Variants in PLXNB2 observed in about 807,000 individuals in gnomAD.
The protein encoded by PLXNB2 is plexin-B2.
Under a neutral mutation model 202.6 loss-of-function variants are expected in PLXNB2, and 85 were observed. The ratio of observed to expected loss-of-function variants is 0.42; its 90% CI spans 0.35 to 0.50. The LOEUF (loss-of-function observed/expected upper bound fraction) is 0.50. PLXNB2 is among the 20% of genes least tolerant of loss of function. The pLI is 0.02. For missense variants in PLXNB2, 2,063 were observed against 2,586.2 expected (o/e 0.80, Z 4.39); for synonymous variants, 1,239 against 1,137.6 (o/e 1.09, Z -1.79).
In PLXNB2 at chr22:50,282,047, G is replaced by A; in HGVS notation, c.3152C>T (p.Thr1051Ile). The change falls in exon 20 of 37, where the codon ACC becomes ATC. Residue 1051 changes from threonine (T) to isoleucine (I), a missense_variant. By Grantham distance (89) the Thr-to-Ile change is moderately conservative (BLOSUM62 -1). Coordinates refer to ENST00000359337, the MANE Select transcript of PLXNB2 (RefSeq NM_012401.4). ...AGCCGGGGACAGGAAGACGACCTTG[G>A]TGTCATTGTGGAACACGTAGTCTGT... The part of the protein sequence containing the change: ...VGTDYVFHND[T>I]KVVFLSPAVP... 2.5e-6 allele frequency: 4 copies of A among 1,612,558 alleles called. No individual in the cohort carries two copies. The highest frequency in any genetic ancestry group is 3.4e-6 in the Non-Finnish European group (4 of 1,179,938).
At chr22:50,287,885 C>T (rs2066582594) in intron 6 of PLXNB2, 52 bp downstream of exon 6, 2 of 1,586,124 alleles carry the variant, frequency 1.3e-6, no homozygotes, top group Admixed American at 3.5e-5. Flanking sequence ...AGGCCACGAC[C>T]TTCCGGGATC....
chr22:50,289,673 A>G lies in PLXNB2; in HGVS notation c.912T>C (p.Ser304=), dbSNP rs748966682. 7.5e-6 allele frequency: 12 copies of G among 1,610,000 alleles called. No individual in the cohort carries two copies. The highest frequency in any genetic ancestry group is 2.7e-5 in the African/African-American group (2 of 74,914). ...GGCAGAGGCCCGCACCGGGCCCCCC[A>G]CTGCTCCGGCTGTCTCTGCTGAAGA... ...YAVFSRDSRS[S]GGPGAGLCLF... The change falls in exon 3 of 37, where the codon AGT becomes AGC. Residue 304 remains serine, a synonymous_variant. Coordinates refer to ENST00000359337, the MANE Select transcript of PLXNB2 (RefSeq NM_012401.4). This position sits in a 1 kb window ranked among gnomAD's most constrained non-coding sequence, Gnocchi z 8.0.
Position 50,280,548 on chromosome 22 carries a change from G to A in PLXNB2, c.4116C>T (p.Leu1372=), listed in dbSNP as rs746391762. 3.7e-6 allele frequency: 6 copies of A among 1,612,100 alleles called. No homozygotes were observed. Among genetic ancestry groups the A allele is most frequent in the South Asian group, 1.1e-5 (1 of 91,084 alleles). ...CGTACTGCTCCAGGAGCTCCAGGAA[G>A]AGCGTGTGCATGATGTCCGTGTAGT... ...LEYYTDIMHT[L]FLELLEQYVV... is the part of the protein sequence containing the mutation. The change falls in exon 25 of 37, where the codon CTC becomes CTT. Residue 1372 remains leucine (L), a synonymous_variant. Coordinates refer to ENST00000359337, the MANE Select transcript of PLXNB2 (RefSeq NM_012401.4).
At chr22:50,307,529 A>G (rs2147747576) in intron 1 of PLXNB2, 24 bp downstream of exon 1, 3 of 974,580 alleles carry the variant, frequency 3.1e-6, no homozygotes, top group South Asian at 9.5e-5. Context: ...CGTCCCCCGC[A>G]GCCCAGTCCC....
At position 50,284,682 on chromosome 22, in the gene PLXNB2, C is replaced by A; in HGVS notation, c.2089-17G>T. ...GGAGGAACCCTGCAGACCATGCCGT[C>A]AGGACCCTGGACAGGCGGCTGTGGC... On this transcript the variant is annotated splice_polypyrimidine_tract_variant and intron_variant, in intron 11 of 36. Transcript: ENST00000359337. This position sits in a 1 kb window ranked among gnomAD's most constrained non-coding sequence, Gnocchi z 8.0. The A allele has an allele frequency of 1.2e-6, 2 of 1,603,500 alleles. No individual in the cohort carries two copies. Among genetic ancestry groups the A allele is most frequent in the South Asian group, 1.1e-5 (1 of 90,826 alleles).
At position 50,297,630 on chromosome 22, in the gene PLXNB2, T is replaced by G. The variant is rs2067372560; in HGVS notation, c.-73-2852A>C. ...AGGCTCCATCTCCTGCTCACAAGAT[T>G]CCCGCTTAGCTACCCCAGAAAAAGG... On this transcript the variant is annotated intron_variant, in intron 1 of 36. Transcript: ENST00000359337. The surrounding 1 kb of genome is among the most constrained non-coding windows in gnomAD (Gnocchi z 5.3). 6.6e-6 allele frequency among the ~76,000 whole-genome samples: 1 copy of G among 152,118 alleles called. No homozygotes were observed.
rs2065728621 is a variant in PLXNB2 at position 50,278,022 on chromosome 22, GGGA to G, written c.4888-12_4888-10del. The G allele has an allele frequency of 1.2e-6, 2 of 1,610,290 alleles. No homozygotes were observed. The highest frequency in any genetic ancestry group is 8.5e-7 in the Non-Finnish European group (1 of 1,177,868). ...AACTGCTGCAGTGTGCCCTGTGGGG[GGGA>G]GGGTCTCAGCGTGACGCCGTGGGCG... On this transcript the variant is annotated splice_polypyrimidine_tract_variant and intron_variant, in intron 31 of 36. Coordinates refer to ENST00000359337, the MANE Select transcript of PLXNB2 (RefSeq NM_012401.4).
intron 2 of PLXNB2, among the ~76,000 whole-genome samples, chr22:50,292,002 A>G (rs1268444921): frequency 2.0e-5 from 3 of 152,162 alleles, no homozygotes; most frequent in African/African-American, 7.2e-5. Context: ...CTCCCTGCAT[A>G]TGTCTCATCC....
At position 50,275,287 on chromosome 22, in the gene PLXNB2, CAT is replaced by C. The variant is rs1283192015; in HGVS notation, c.*415_*416del. On this transcript the variant is annotated 3_prime_UTR_variant, in exon 37 of 37. Transcript: ENST00000359337. Reference sequence around the variant, plus strand: ...TCCCATCTCGTGGTGGACAGACAGACATAGGATCTGGGAACTTGCCCTGGGGG... The same window carrying C: ...TCCCATCTCGTGGTGGACAGACAGACAGGATCTGGGAACTTGCCCTGGGGG... The C allele has an allele frequency of 7.1e-6, 3 of 424,300 alleles. No individual in the cohort carries two copies. Among genetic ancestry groups the C allele is most frequent in the East Asian group, 7.2e-5 (1 of 13,946 alleles). The allele number at this position is 424,300 out of a possible 1,614,324, so 26.3% of individuals were successfully genotyped here. A position where few individuals can be genotyped will look rare whatever the true frequency, so the allele number is the denominator to read the frequency against.
At position 50,288,586 on chromosome 22, in the gene PLXNB2, G is replaced by A. The variant is rs1032346392; in HGVS notation, c.1380+157C>T. Among the ~76,000 whole-genome samples the A allele has an allele frequency of 6.6e-6, 1 of 152,106 alleles. No individual in the cohort carries two copies. Among genetic ancestry groups the A allele is most frequent in the Admixed American group, 6.5e-5 (1 of 15,272 alleles). ...GAGACACAGGATGGAGGCACTGCCC[G>A]GGACCCACCCAGCCACCCCTCATCC... On this transcript the variant is annotated intron_variant, in intron 5 of 36. Coordinates refer to ENST00000359337, the MANE Select transcript of PLXNB2 (RefSeq NM_012401.4). This position sits in a 1 kb window ranked among gnomAD's most constrained non-coding sequence, Gnocchi z 5.0.
chr22:50,277,971 G>A lies in PLXNB2; in HGVS notation c.4930C>T (p.Leu1644=), dbSNP rs2065724291. 6.2e-7 allele frequency: 1 copy of A among 1,612,880 alleles called. No individual in the cohort carries two copies. Among genetic ancestry groups the A allele is most frequent in the African/African-American group, 1.3e-5 (1 of 74,930 alleles). The part of the protein sequence containing the change: ...QFVDNFFQSV[L]APGHAVPPAV... ...GGTGGCACCGCGTGCCCAGGCGCCA[G>A]CACGCTCTGGAAGAAGTTGTCCACA... Residue 1644 remains leucine (L), a synonymous_variant, in exon 32 of 37, where the codon CTG becomes TTG. Transcript: ENST00000359337.
Position 50,288,636 on chromosome 22 carries a change from T to G in PLXNB2, c.1380+107A>C. ...CAGACCAAGGAGAAGGGCCCAGCTCTGCAGCACCCCATCCTCCTCTGGCCC... is the reference window on the plus strand; with the variant it reads ...CAGACCAAGGAGAAGGGCCCAGCTCGGCAGCACCCCATCCTCCTCTGGCCC... On this transcript the variant is annotated intron_variant, in intron 5 of 36. Transcript: ENST00000359337. This position sits in a 1 kb window ranked among gnomAD's most constrained non-coding sequence, Gnocchi z 5.0. The G allele has an allele frequency of 1.4e-6, 2 of 1,477,508 alleles. No individual in the cohort carries two copies. Among genetic ancestry groups the G allele is most frequent in the Admixed American group, 4.0e-5 (2 of 50,066 alleles). 91.5% of individuals were successfully genotyped at this position (1,477,508 alleles called of 1,614,324 possible).
intron 1 of PLXNB2, among the ~76,000 whole-genome samples, chr22:50,302,471 C>G (rs925919567): frequency 6.6e-6 from 1 of 152,302 alleles, no homozygotes; most frequent in Admixed American, 6.5e-5. Flanking sequence ...GACTTCAAAC[C>G]CCACAGGGCC....
intron 24 of PLXNB2, 30 bp downstream of exon 24, chr22:50,280,714 G>A (rs372204104): frequency 7.8e-6 from 12 of 1,529,124 alleles, no homozygotes; most frequent in African/African-American, 6.9e-5. Flanking sequence ...CCACCTGTGT[G>A]CCCTCCCGCC....
chr22:50,275,842 A>C, intron 36 of PLXNB2, 34 bp from the exon 37 acceptor site: 1 of 1,605,204 alleles, frequency 6.2e-7, no homozygotes, highest in Middle Eastern at 1.7e-4. Context: ...ACACCGGGGG[A>C]CCGCCCAGCA....
chr22:50,278,057 C>CT (rs758223812), intron 31 of PLXNB2, 44 bp from the exon 32 acceptor site: 2 of 1,603,198 alleles, frequency 1.2e-6, no homozygotes, highest in African/African-American at 2.7e-5. Context: ...GGCGCGGCTC[C>CT]TGGGGGGGAG....
intron 1 of PLXNB2, among the ~76,000 whole-genome samples, chr22:50,296,588 CTCAAAAAA>C (rs2067291231): frequency 2.6e-5 from 2 of 76,252 alleles, no homozygotes; most frequent in African/African-American, 1.4e-4. Flanking sequence ...AAGACTCTGT[CTCAAAAAA>C]AAAAAAAAAA....
At chr22:50,295,445 AG>A (rs2067193284) in intron 1 of PLXNB2, among the ~76,000 whole-genome samples, 1 of 152,220 alleles carries the variant, frequency 6.6e-6, no homozygotes, top group Non-Finnish European at 1.5e-5. Flanking sequence ...GAATGGAGAC[AG>A]AATGGTGAGC....
Position 50,281,349 on chromosome 22 carries a change from G to A in PLXNB2, c.3662+11C>T, listed in dbSNP as rs1331202236. On this transcript the variant is annotated intron_variant, in intron 22 of 36. Transcript: ENST00000359337. ...GCTCAGGGTGTTGGCACAGCCGGGG[G>A]GCGGGCTCACCAGTAGCAGTAGACA... The A allele has an allele frequency of 3.1e-6, 5 of 1,611,302 alleles. No individual in the cohort carries two copies. The highest frequency in any genetic ancestry group is 2.5e-6 in the Non-Finnish European group (3 of 1,179,438).
Sources: allele counts gnomAD v4.1 joint callset (sites outside exome capture counted in the v4.1 genomes callset), GRCh38; gene constraint gnomAD v4.1.1; non-coding constraint Gnocchi (gnomAD v3.1); transcripts MANE v1.5; gene names NCBI Gene and HGNC (gene_info 2026-07-23, HGNC 2026-07-21).